EXPH5: variants seen among roughly 807,000 people sequenced by gnomAD.
EXPH5 encodes the protein exophilin 5.
EXPH5 carries 42 observed loss-of-function variants against 41.1 expected under a neutral mutation model. The observed-to-expected ratio is 1.02, with a 90% CI of 0.80 to 1.32. The LOEUF is 1.32. EXPH5 is among the 40% of genes most tolerant of loss of function. The pLI is 0.00. For missense variants in EXPH5, 2,298 were observed against 2,314.5 expected, an observed-to-expected ratio of 0.99 and a Z score of 0.15; for synonymous variants, 798 against 833.5, an observed-to-expected ratio of 0.96 and a Z score of 0.73.
chr11:108,586,775 C>T (rs566264835), intron 1 of EXPH5, among the ~76,000 whole-genome samples: 6 of 151,462 alleles, frequency 4.0e-5, no homozygotes, highest in Non-Finnish European at 8.8e-5. Context: ...TGGTCACTGT[C>T]ATCTCCCATT....
At chr11:108,524,136 C>G (rs1358543297) in intron 4 of EXPH5, among the ~76,000 whole-genome samples, 1 of 152,114 alleles carries the variant, frequency 6.6e-6, no homozygotes, top group African/African-American at 2.4e-5. Context: ...ATGTTGGAGG[C>G]AGGACAGTGT....
At position 108,513,559 on chromosome 11, in the gene EXPH5, TG is replaced by T; in HGVS notation, c.1947del (p.Thr650GlnfsTer17). 6.2e-7 allele frequency: 1 copy of T among 1,614,202 alleles called. No homozygotes were observed. The highest frequency in any genetic ancestry group is 8.5e-7 in the Non-Finnish European group (1 of 1,180,038). The stretch of plus-strand genomic sequence containing the variant: ...GGAAAAATTTTCTGCAAAGTGACTG[TG>T]GGATTCTGCAAGTTGGGACTCTGAG... The part of the protein sequence containing the change: ...RNPQSPNLQN[P>X]TVTLQKIFPN... On this transcript the variant is annotated frameshift_variant, in exon 6 of 6. Coordinates refer to ENST00000265843, the MANE Select transcript of EXPH5 (RefSeq NM_015065.3). LOFTEE classifies it low-confidence loss of function (END_TRUNC).
At chr11:108,599,693 G>C in the EXPH5 span, among the ~76,000 whole-genome samples, 2 of 152,200 alleles carry the variant, frequency 1.3e-5, no homozygotes, top group Non-Finnish European at 2.9e-5. Flanking sequence ...CCATGTGGTT[G>C]CCTTTCTGTT....
At chr11:108,602,156 TC>T in the EXPH5 span, among the ~76,000 whole-genome samples, 1 of 152,240 alleles carries the variant, frequency 6.6e-6, no homozygotes, top group Non-Finnish European at 1.5e-5. Context: ...ATCAAATTGC[TC>T]CCTTGAAACA....
intron 5 of EXPH5, among the ~76,000 whole-genome samples, chr11:108,516,969 T>C (rs77103066): frequency 0.023 from 3,437 of 152,296 alleles, 131 homozygotes; most frequent in African/African-American, 0.078. Flanking sequence ...GAAAATCTCT[T>C]TGATACCCAT....
At chr11:108,540,370 G>A (rs1039918077) in intron 2 of EXPH5, among the ~76,000 whole-genome samples, 31 of 152,156 alleles carry the variant, frequency 2.0e-4, no homozygotes, top group Non-Finnish European at 2.9e-4. Flanking sequence ...ATATTATAAT[G>A]ATTTGGGACA....
At chr11:108,553,683 A>G (rs2852190) in intron 1 of EXPH5, among the ~76,000 whole-genome samples, 147,357 of 152,240 alleles carry the variant, frequency 0.97, 71,490 homozygotes, top group Non-Finnish European at 1. Flanking sequence ...GGCCTAGCAT[A>G]GTCCCAGACT....
Position 108,509,976 on chromosome 11 carries a change from C to G in EXPH5, c.5531G>C (p.Gly1844Ala). The change falls in exon 6 of 6, where the codon GGG becomes GCG. Residue 1844 changes from glycine (G) to alanine (A), a missense_variant. Gly to Ala is a moderately conservative substitution (Grantham distance 60). Transcript: ENST00000265843. Reference sequence around the variant, plus strand: ...AAAAGATCTGAATCTTCGACTGTACCCATTGTTGACAGAGAATTCATTCCC... The same window carrying G: ...AAAAGATCTGAATCTTCGACTGTACGCATTGTTGACAGAGAATTCATTCCC... ...TLGNEFSVNN[G>A]YSRRFRSFSE... 6.2e-7 allele frequency: 1 copy of G among 1,613,724 alleles called. No homozygotes were observed. The highest frequency in any genetic ancestry group is 1.3e-5 in the African/African-American group (1 of 75,002).
rs985616777 is a variant in EXPH5 at position 108,508,045 on chromosome 11, G to C, written c.*1492C>G. On this transcript the variant is annotated 3_prime_UTR_variant, in exon 6 of 6. Transcript: ENST00000265843. ...AAAAAAAAAATTAGCCAGGTGTGGT[G>C]GTGGGTGCCTGTAGTCCCAGCTACT... 4 of 151,296 alleles carry C rather than the reference G, an allele frequency of 2.6e-5. No individual in the cohort carries two copies. Among genetic ancestry groups the C allele is most frequent in the Admixed American group, 1.3e-4 (2 of 15,108 alleles). 9.4% of individuals were successfully genotyped at this position (151,296 alleles called of 1,614,324 possible).
Position 108,556,272 on chromosome 11 carries a change from G to A in EXPH5, c.120-14460C>T, listed in dbSNP as rs1390431081. ...GTGTTGCCTGGGCCCTTTGCGATTA[G>A]TTGTGAATCTGCTGTCTTTTTTTTT... On this transcript the variant is annotated intron_variant, in intron 1 of 5. Transcript: ENST00000265843. Among the ~76,000 whole-genome samples, 4 of 151,990 alleles carry A rather than the reference G, an allele frequency of 2.6e-5. No homozygotes were observed. In the East Asian group the frequency reaches 7.7e-4, roughly 29 times the overall value.
In EXPH5 at chr11:108,521,020, C is replaced by T. The variant is rs17108134; in HGVS notation, c.493-2647G>A. The stretch of plus-strand genomic sequence containing the variant: ...TGTGCCAAAACTCCATTTGCGTTTC[C>T]TCTGTCAAACTGGCTCTGTCACTCA... On this transcript the variant is annotated intron_variant, in intron 4 of 5. Coordinates refer to ENST00000265843, the MANE Select transcript of EXPH5 (RefSeq NM_015065.3). Among the ~76,000 whole-genome samples, 578 of 152,288 alleles carry T rather than the reference C, an allele frequency of 3.8e-3. 4 individuals are homozygous for T. The highest frequency in any genetic ancestry group is 0.013 in the African/African-American group (554 of 41,552).
chr11:108,603,504 C>A, the EXPH5 span, among the ~76,000 whole-genome samples: 1 of 152,136 alleles, frequency 6.6e-6, no homozygotes, highest in Non-Finnish European at 1.5e-5. Context: ...TAGTGAGAAT[C>A]CGTTTCTTAA....
the EXPH5 span, among the ~76,000 whole-genome samples, chr11:108,604,950 C>T: frequency 2.5e-3 from 379 of 152,118 alleles, 2 homozygotes; most frequent in African/African-American, 8.7e-3. Context: ...GAGAAATAGG[C>T]TTGGTTGGGT....
intron 1 of EXPH5, among the ~76,000 whole-genome samples, chr11:108,582,848 G>A (rs569729647): frequency 3.3e-5 from 5 of 152,232 alleles, no homozygotes; most frequent in African/African-American, 9.6e-5. Context: ...TTCTCCCTGC[G>A]TGCTTGTCTG....
At position 108,539,126 on chromosome 11, in the gene EXPH5, G is replaced by A. The variant is rs765418297; in HGVS notation, c.341C>T (p.Pro114Leu). ...TCTGAAGCTCATCCGGGAAGAAAAAGGTGTCGGCTTTTTTTGATTAGTTAC... is the reference window on the plus strand; with the variant it reads ...TCTGAAGCTCATCCGGGAAGAAAAAAGTGTCGGCTTTTTTTGATTAGTTAC... ...KNVTNQKKPT[P>L]FSSRMSFRSS... Residue 114 changes from proline (P) to leucine (L), a missense_variant, in exon 3 of 6, where the codon CCT (proline) becomes CTT (leucine). By Grantham distance (98) the Pro-to-Leu change is moderately conservative. Coordinates refer to ENST00000265843, the MANE Select transcript of EXPH5 (RefSeq NM_015065.3). 2.5e-6 allele frequency: 4 copies of A among 1,611,114 alleles called. No homozygotes were observed. The highest frequency in any genetic ancestry group is 3.4e-6 in the Non-Finnish European group (4 of 1,178,296).
intron 1 of EXPH5, among the ~76,000 whole-genome samples, chr11:108,559,881 A>G (rs1565822154): frequency 1.3e-5 from 2 of 152,212 alleles, no homozygotes; most frequent in Admixed American, 6.5e-5. Context: ...AAAATCCACT[A>G]TTATTGCATT....
At chr11:108,576,090 C>A (rs1423102875) in intron 1 of EXPH5, among the ~76,000 whole-genome samples, 1 of 152,170 alleles carries the variant, frequency 6.6e-6, no homozygotes, top group Non-Finnish European at 1.5e-5. Context: ...CTCTGGAGAA[C>A]TGAGAACAGG....
chr11:108,552,977 C>T (rs957736502), intron 1 of EXPH5, among the ~76,000 whole-genome samples: 2 of 152,110 alleles, frequency 1.3e-5, no homozygotes, highest in African/African-American at 4.8e-5. Flanking sequence ...GGGTGGATTA[C>T]TTGAGGACAG....
intron 4 of EXPH5, among the ~76,000 whole-genome samples, chr11:108,519,964 A>T (rs2093754653): frequency 6.6e-6 from 1 of 150,818 alleles, no homozygotes; most frequent in African/African-American, 2.4e-5. Flanking sequence ...AAAAAAAAAA[A>T]AAAAAAAAAA....
Sources: allele counts gnomAD v4.1 joint callset (sites outside exome capture counted in the v4.1 genomes callset), GRCh38; gene constraint gnomAD v4.1.1; transcripts MANE v1.5; gene names NCBI Gene and HGNC (gene_info 2026-07-23, HGNC 2026-07-21).